NAV3: variants seen among roughly 807,000 people sequenced by gnomAD.
NAV3 encodes pore membrane and/or filament interacting like protein 1.
A neutral mutation model predicts 244.7 loss-of-function variants in NAV3; 87 were observed. The observed-to-expected ratio is 0.36, with a 90% CI of 0.30 to 0.42. The LOEUF (loss-of-function observed/expected upper bound fraction) is 0.42, where lower values mean the gene tolerates loss of function less well. Ranked by LOEUF, NAV3 falls within the 20% of genes least tolerant of loss-of-function variation. The pLI, the probability that NAV3 is intolerant of heterozygous loss-of-function variation, is 1.00. For synonymous variants in NAV3, 1,126 were observed against 1,042.2 expected (o/e 1.08, Z -1.55); for missense variants, 2,663 against 2,893.3 (o/e 0.92, Z 1.83).
chr12:77,727,727 A>G (rs1318499435), intron 2 of NAV3, among the ~76,000 whole-genome samples: 1 of 151,988 alleles, frequency 6.6e-6, no homozygotes, highest in Non-Finnish European at 1.5e-5. Context: ...AATTACTATC[A>G]TTACCTCATT....
chr12:78,201,069 CTTCTT>C lies in NAV3; in HGVS notation c.6834+481_6834+485del, dbSNP rs1272801303. On this transcript the variant is annotated intron_variant, in intron 38 of 39. Coordinates refer to ENST00000397909, the MANE Select transcript of NAV3 (RefSeq NM_001024383.2). ...TCTCTTTCTTTCTTTGTTTCTTCTCCTTCTTTTTTTTTTTTTTTTTTGAGACAGGG... is the reference window on the plus strand; with the variant it reads ...TCTCTTTCTTTCTTTGTTTCTTCTCCTTTTTTTTTTTTTTTTGAGACAGGG... 9.5e-3 allele frequency among the ~76,000 whole-genome samples: 585 copies of C among 61,460 alleles called. 7 individuals are homozygous for C. The highest frequency in any genetic ancestry group is 0.032 in the African/African-American group (503 of 15,486). 40.3% of individuals were successfully genotyped at this position (61,460 alleles called of 152,430 possible).
chr12:77,976,879 A>G (rs768852137), intron 5 of NAV3, among the ~76,000 whole-genome samples: 13 of 151,754 alleles, frequency 8.6e-5, no homozygotes, highest in South Asian at 2.1e-4. Context: ...GGGTTTCACC[A>G]TGTTGGCAAG....
At chr12:77,668,530 A>G (rs1204263614) in intron 2 of NAV3, among the ~76,000 whole-genome samples, 1 of 152,172 alleles carries the variant, frequency 6.6e-6, no homozygotes, top group Non-Finnish European at 1.5e-5. Context: ...AACAAGAAGA[A>G]AGAACTTTGG....
In NAV3 at chr12:78,051,337, A is replaced by G. The variant is rs527553200; in HGVS notation, c.2516+190A>G. 2.3e-4 allele frequency among the ~76,000 whole-genome samples: 35 copies of G among 152,338 alleles called. 1 individual carries two copies. Among genetic ancestry groups the G allele is most frequent in the Admixed American group, 2.2e-3 (34 of 15,298 alleles). On this transcript the variant is annotated intron_variant, in intron 11 of 39. Coordinates refer to ENST00000397909, the MANE Select transcript of NAV3 (RefSeq NM_001024383.2). The stretch of plus-strand genomic sequence containing the variant: ...GGAGAGTAAAGAATCCAAGATTTCT[A>G]TAAATTCATTATAAGCCGCTAAGTT...
At chr12:78,189,942 G>A (rs1958899886) in intron 33 of NAV3, 42 bp from the exon 34 acceptor site, 1 of 1,434,508 alleles carries the variant, frequency 7.0e-7, no homozygotes, top group South Asian at 1.2e-5. Flanking sequence ...TCTAGCTTAT[G>A]TAGAACAATA....
intron 1 of NAV3, among the ~76,000 whole-genome samples, chr12:77,935,037 A>T (rs898798322): frequency 6.6e-5 from 10 of 152,196 alleles, no homozygotes; most frequent in Non-Finnish European, 1.2e-4. Flanking sequence ...AAGTTACTTT[A>T]TCCCATTGAA....
intron 12 of NAV3, among the ~76,000 whole-genome samples, chr12:78,060,582 T>A (rs1338888798): frequency 1.3e-5 from 2 of 152,160 alleles, no homozygotes; most frequent in African/African-American, 4.8e-5. Flanking sequence ...GTGGAGTGAA[T>A]GAACAAATTA....
At chr12:78,054,572 A>G (rs906333168) in intron 11 of NAV3, among the ~76,000 whole-genome samples, 3 of 152,206 alleles carry the variant, frequency 2.0e-5, no homozygotes, top group Non-Finnish European at 4.4e-5. Flanking sequence ...AATTTCAGGA[A>G]CTAGTGCAAG....
intron 12 of NAV3, among the ~76,000 whole-genome samples, chr12:78,115,270 A>C (rs1955317107): frequency 6.6e-6 from 1 of 152,102 alleles, no homozygotes; most frequent in Non-Finnish European, 1.5e-5. Context: ...TGCATGGATT[A>C]ATTTGAGAGA....
At chr12:77,692,329 G>C (rs1051600816) in intron 2 of NAV3, among the ~76,000 whole-genome samples, 7 of 151,864 alleles carry the variant, frequency 4.6e-5, no homozygotes, top group African/African-American at 1.5e-4. Context: ...ATAGCATTTT[G>C]AAGGGGAAAT....
chr12:78,117,363 A>ATAAC (rs1566156816), intron 13 of NAV3, among the ~76,000 whole-genome samples: 1 of 11,798 alleles, frequency 8.5e-5, no homozygotes, highest in African/African-American at 2.1e-4. Flanking sequence ...TATAACATAT[A>ATAAC]ATAGATATAT....
chr12:78,028,919 A>T (rs1878520652), intron 9 of NAV3, among the ~76,000 whole-genome samples: 1 of 152,230 alleles, frequency 6.6e-6, no homozygotes. Flanking sequence ...AATAAATATA[A>T]AAACACTTCC....
At chr12:77,712,543 A>G (rs753939611) in intron 2 of NAV3, among the ~76,000 whole-genome samples, 5 of 152,200 alleles carry the variant, frequency 3.3e-5, no homozygotes, top group Non-Finnish European at 5.9e-5. Context: ...TGAGATTTCA[A>G]TAAGATAAAT....
chr12:78,082,325 A>G (rs569965123), intron 12 of NAV3, among the ~76,000 whole-genome samples: 1 of 152,346 alleles, frequency 6.6e-6, no homozygotes, highest in African/African-American at 2.4e-5. Flanking sequence ...ATACACAGGC[A>G]TATGCATTAT....
In NAV3 at chr12:77,755,614, CTT is replaced by C. The variant is rs1485154001; in HGVS notation, c.72+183349_72+183350del. 6.4e-4 allele frequency among the ~76,000 whole-genome samples: 56 copies of C among 88,040 alleles called. 7 individuals are homozygous for C. The highest frequency in any genetic ancestry group is 2.4e-3 in the African/African-American group (47 of 19,512). 57.8% of individuals were successfully genotyped at this position (88,040 alleles called of 152,430 possible). On this transcript the variant is annotated intron_variant, in intron 2 of 8. Transcript: ENST00000550042. ...CCCTCCCTCCCTCCCTCCCTCCCTC[CTT>C]CCTTCCTTCCTTCCTTCCTTCCTTC...
chr12:77,667,790 A>G (rs1873784362), intron 2 of NAV3, among the ~76,000 whole-genome samples: 1 of 152,104 alleles, frequency 6.6e-6, no homozygotes, highest in Non-Finnish European at 1.5e-5. Context: ...CTCCCTGTAC[A>G]ACCACAGCTG....
chr12:77,904,871 T>A (rs539325228), intron 1 of NAV3, among the ~76,000 whole-genome samples: 7 of 152,156 alleles, frequency 4.6e-5, no homozygotes, highest in African/African-American at 9.7e-5. Context: ...CTTCTATACT[T>A]TATCTGTGTC....
At position 78,179,581 on chromosome 12, in the gene NAV3, G is replaced by A. The variant is rs867560131; in HGVS notation, c.5416G>A (p.Glu1806Lys). ...AGAGATAATTCTGCAGCTGAAGAGC[G>A]AGCTCAGAGAAAAGGAATTAAAATT... ...EAEIILQLKS[E>K]LREKELKLTD... The change falls in exon 29 of 40, where the codon GAG becomes AAG. Residue 1806 changes from glutamate to lysine, a missense_variant. Transcript: ENST00000397909. The A allele has an allele frequency of 7.4e-6, 12 of 1,613,168 alleles. No individual in the cohort carries two copies. The highest frequency in any genetic ancestry group is 9.3e-6 in the Non-Finnish European group (11 of 1,179,526).
At position 78,006,390 on chromosome 12, in the gene NAV3, T is replaced by C. The variant is rs1432335386; in HGVS notation, c.881-29T>C. On this transcript the variant is annotated intron_variant, in intron 7 of 39. Transcript: ENST00000397909. ...TAAATGATCAAGATTAATCGCCTTT[T>C]CTTTATTTTTCTTCTAAACAATGTC... 3.1e-6 allele frequency: 5 copies of C among 1,588,452 alleles called. No homozygotes were observed. The African/African-American group carries it at 6.8e-5, about 22-fold the overall frequency.
Sources: allele counts gnomAD v4.1 joint callset (sites outside exome capture counted in the v4.1 genomes callset), GRCh38; gene constraint gnomAD v4.1.1; transcripts MANE v1.5; gene names NCBI Gene and HGNC (gene_info 2026-07-23, HGNC 2026-07-21).